CNTN4: variants seen among roughly 807,000 people sequenced by gnomAD.
CNTN4 encodes contactin-4.
In CNTN4, 77 loss-of-function variants were observed where a neutral mutation model predicts 122.5. The ratio of observed to expected loss-of-function variants is 0.63; its 90% CI spans 0.52 to 0.76. The LOEUF is 0.76. Ranked by LOEUF, CNTN4 falls within the 30% of genes least tolerant of loss-of-function variation. The pLI is 0.00. For synonymous variants in CNTN4, 512 were observed against 447.0 expected (o/e 1.15, Z -1.83); for missense variants, 1,256 against 1,259.1 (o/e 1.00, Z 0.04).
chr3:2,118,602 A>G (rs1304136074), intron 2 of CNTN4, among the ~76,000 whole-genome samples: 2 of 152,256 alleles, frequency 1.3e-5, no homozygotes, highest in Non-Finnish European at 2.9e-5. Flanking sequence ...AATGTATTTG[A>G]ATATTCCAAA....
chr3:2,667,738 A>G (rs6794555), intron 4 of CNTN4, among the ~76,000 whole-genome samples: 21,685 of 90,774 alleles, frequency 0.24, 4,072 homozygotes, highest in African/African-American at 0.32. Flanking sequence ...TAACGTTTAA[A>G]TCTTTAATCC....
At chr3:2,796,536 T>C (rs1011834182) in intron 6 of CNTN4, among the ~76,000 whole-genome samples, 1 of 152,176 alleles carries the variant, frequency 6.6e-6, no homozygotes, top group African/African-American at 2.4e-5. Flanking sequence ...ATAAAACCCG[T>C]ACTTAATACA....
intron 2 of CNTN4, among the ~76,000 whole-genome samples, chr3:2,187,060 G>A (rs376638469): frequency 6.6e-5 from 10 of 152,106 alleles, no homozygotes; most frequent in Admixed American, 2.0e-4. Context: ...TATGGTTTTA[G>A]GTCTAACATT....
intron 4 of CNTN4, among the ~76,000 whole-genome samples, chr3:2,573,323 G>A (rs1055115899): frequency 2.0e-5 from 3 of 152,108 alleles, no homozygotes; most frequent in Non-Finnish European, 4.4e-5. Context: ...CTTCCCCGCT[G>A]CATGATTGTG....
At chr3:2,332,202 G>C (rs1217670735) in intron 2 of CNTN4, among the ~76,000 whole-genome samples, 1 of 152,048 alleles carries the variant, frequency 6.6e-6, no homozygotes, top group Non-Finnish European at 1.5e-5. Context: ...CTACAGCTCC[G>C]GTAATGTTAC....
intron 3 of CNTN4, among the ~76,000 whole-genome samples, chr3:2,347,277 A>G (rs150577016): frequency 6.6e-6 from 1 of 152,186 alleles, no homozygotes; most frequent in Non-Finnish European, 1.5e-5. Flanking sequence ...GTGAAGGCAA[A>G]ATAAAGAAAA....
At chr3:2,721,798 T>G (rs899543416) in intron 4 of CNTN4, among the ~76,000 whole-genome samples, 2 of 152,158 alleles carry the variant, frequency 1.3e-5, no homozygotes, top group Non-Finnish European at 2.9e-5. Flanking sequence ...TTTGCTATGG[T>G]CTGAAAGTTT....
At chr3:2,214,031 A>T (rs2038730396) in intron 2 of CNTN4, among the ~76,000 whole-genome samples, 1 of 152,090 alleles carries the variant, frequency 6.6e-6, no homozygotes, top group Admixed American at 6.5e-5. Context: ...TGTTTGTTTC[A>T]TTCTAATTTC....
intron 14 of CNTN4, among the ~76,000 whole-genome samples, chr3:3,006,217 G>C (rs561635970): frequency 6.6e-6 from 1 of 152,098 alleles, no homozygotes; most frequent in Admixed American, 6.5e-5. Context: ...TTATCTAAAC[G>C]TACTTTTGGT....
At chr3:2,578,879 A>G (rs1481035245) in intron 4 of CNTN4, among the ~76,000 whole-genome samples, 2 of 152,188 alleles carry the variant, frequency 1.3e-5, no homozygotes, top group Non-Finnish European at 1.5e-5. Context: ...GATGAAAGTT[A>G]AGAAAAAAAA....
Position 2,724,296 on chromosome 3 carries a change from A to G in CNTN4, c.56-11919A>G, listed in dbSNP as rs1386864379. ...CTTTCAATTAAAATACCAATGTCCCACCAGGAAGAACCGTATCTGGAGCCC... is the reference window on the plus strand; with the variant it reads ...CTTTCAATTAAAATACCAATGTCCCGCCAGGAAGAACCGTATCTGGAGCCC... On this transcript the variant is annotated intron_variant, in intron 4 of 24. Transcript: ENST00000418658. Among the ~76,000 whole-genome samples, 3 of 152,142 alleles carry G rather than the reference A, an allele frequency of 2.0e-5. No homozygotes were observed. The East Asian group carries it at 5.8e-4, about 29-fold the overall frequency.
chr3:2,298,037 T>TTATGTTAAGTGAAGAA (rs1374400709), intron 2 of CNTN4, among the ~76,000 whole-genome samples: 2 of 152,106 alleles, frequency 1.3e-5, no homozygotes, highest in Non-Finnish European at 2.9e-5. Flanking sequence ...TGGTCATCTG[T>TTATGTTAAGTGAAGAA]TATGTTAAGT....
At chr3:2,726,364 A>T (rs181871915) in intron 4 of CNTN4, among the ~76,000 whole-genome samples, 2 of 152,206 alleles carry the variant, frequency 1.3e-5, no homozygotes, top group Non-Finnish European at 2.9e-5. Flanking sequence ...TAACTTATCA[A>T]TGCTAAGCAG....
At chr3:2,456,209 T>G (rs6776569) in intron 3 of CNTN4, among the ~76,000 whole-genome samples, 2,354 of 152,160 alleles carry the variant, frequency 0.015, 63 homozygotes, top group African/African-American at 0.053. Flanking sequence ...GTGAATTGAC[T>G]GGCCTTATGA....
intron 3 of CNTN4, among the ~76,000 whole-genome samples, chr3:2,549,786 C>G (rs912979690): frequency 9.2e-5 from 14 of 152,260 alleles, no homozygotes; most frequent in African/African-American, 3.4e-4. Flanking sequence ...ACTAGCTCCT[C>G]TTTGTACCTC....
intron 13 of CNTN4, among the ~76,000 whole-genome samples, chr3:2,966,029 A>G (rs1395381222): frequency 6.6e-6 from 1 of 152,098 alleles, no homozygotes; most frequent in Non-Finnish European, 1.5e-5. Context: ...CCAGACTGTG[A>G]ATTTCCTAAA....
intron 2 of CNTN4, among the ~76,000 whole-genome samples, chr3:2,108,493 C>T (rs2032652384): frequency 6.6e-6 from 1 of 152,098 alleles, no homozygotes; most frequent in Admixed American, 6.6e-5. Context: ...AAATTTGTTG[C>T]CTTGCCTTCT....
intron 3 of CNTN4, among the ~76,000 whole-genome samples, chr3:2,340,366 C>A (rs567512534): frequency 2.0e-5 from 3 of 151,802 alleles, no homozygotes; most frequent in African/African-American, 7.3e-5. Context: ...TCTTGATGGC[C>A]AGCTTTTCTC....
intron 3 of CNTN4, among the ~76,000 whole-genome samples, chr3:2,493,188 A>G (rs955378219): frequency 6.6e-6 from 1 of 152,150 alleles, no homozygotes; most frequent in African/African-American, 2.4e-5. Flanking sequence ...CAAAGATGAT[A>G]AAGTTGCTGT....
Sources: gnomAD v4.1 joint callset for allele counts (sites outside exome capture counted in the v4.1 genomes callset) on GRCh38, gnomAD v4.1.1 for gene constraint, MANE v1.5 for transcripts, NCBI Gene and HGNC (gene_info 2026-07-23, HGNC 2026-07-21) for gene names.